Variants in RASGRF2 observed in about 807,000 individuals in gnomAD.
RASGRF2 encodes ras-specific guanine nucleotide-releasing factor 2.
Under a neutral mutation model 151.0 loss-of-function variants are expected in RASGRF2, and 76 were observed. The ratio of observed to expected loss-of-function variants is 0.50; its 90% CI spans 0.42 to 0.61. RASGRF2 has a LOEUF of 0.61. Ranked by LOEUF, RASGRF2 falls within the 20% of genes least tolerant of loss-of-function variation. RASGRF2 has a pLI of 0.00. For synonymous variants in RASGRF2, 504 were observed against 566.5 expected, an observed-to-expected ratio of 0.89 and a Z score of 1.57; for missense variants, 1,148 against 1,564.6, an observed-to-expected ratio of 0.73 and a Z score of 4.49.
chr5:81,091,371 C>T (rs1009409115), intron 9 of RASGRF2, among the ~76,000 whole-genome samples: 1 of 152,202 alleles, frequency 6.6e-6, no homozygotes. Flanking sequence ...CATTCACTCT[C>T]CTCTTGCCCA....
chr5:81,019,408 A>G (rs549628173), intron 1 of RASGRF2: 1 of 152,294 alleles, frequency 6.6e-6, no homozygotes, highest in Admixed American at 6.5e-5. Flanking sequence ...GTGTCCTTTG[A>G]AAGGCAGCCA....
At chr5:81,157,800 T>C (rs1408644894) in intron 17 of RASGRF2, among the ~76,000 whole-genome samples, 1 of 152,168 alleles carries the variant, frequency 6.6e-6, no homozygotes, top group African/African-American at 2.4e-5. Flanking sequence ...TCACTCACTA[T>C]CACGAGAAGA....
At chr5:81,138,069 G>T (rs922703567) in intron 17 of RASGRF2, among the ~76,000 whole-genome samples, 1 of 64,780 alleles carries the variant, frequency 1.5e-5, no homozygotes, top group Non-Finnish European at 3.1e-5. Context: ...CACAACTTGG[G>T]GCTCCCTAAG....
intron 7 of RASGRF2, among the ~76,000 whole-genome samples, chr5:81,081,686 C>CT (rs897601796): frequency 5.3e-4 from 81 of 152,326 alleles, no homozygotes; most frequent in African/African-American, 1.9e-3. Context: ...GCAGGCATCT[C>CT]TGACCCTGGC....
chr5:81,143,836 G>A (rs952318649), intron 17 of RASGRF2, among the ~76,000 whole-genome samples: 1 of 151,014 alleles, frequency 6.6e-6, no homozygotes, highest in Non-Finnish European at 1.5e-5. Context: ...GTTGCAATGA[G>A]CTGAGATAGT....
chr5:80,968,895 G>T (rs971782038), intron 1 of RASGRF2, among the ~76,000 whole-genome samples: 1 of 151,818 alleles, frequency 6.6e-6, no homozygotes, highest in African/African-American at 2.4e-5. Context: ...TGTTGCCCAG[G>T]CTCGTCTTGA....
chr5:81,069,625 C>T (rs773554318), intron 3 of RASGRF2, among the ~76,000 whole-genome samples: 1 of 152,226 alleles, frequency 6.6e-6, no homozygotes, highest in Non-Finnish European at 1.5e-5. Context: ...CTTCTCTGGT[C>T]TCTTGACAGG....
intron 19 of RASGRF2, among the ~76,000 whole-genome samples, chr5:81,206,068 G>A: frequency 6.6e-6 from 1 of 152,122 alleles, no homozygotes; most frequent in East Asian, 1.9e-4. Context: ...TGGCTCCAAT[G>A]GCAAATTATG....
At chr5:80,977,354 A>G (rs1036215793) in intron 1 of RASGRF2, among the ~76,000 whole-genome samples, 2 of 152,242 alleles carry the variant, frequency 1.3e-5, no homozygotes, top group South Asian at 4.1e-4. Context: ...GAAAATAGGC[A>G]TGATAATTTC....
intron 17 of RASGRF2, among the ~76,000 whole-genome samples, chr5:81,132,467 G>A (rs1185443159): frequency 6.6e-6 from 1 of 152,176 alleles, no homozygotes; most frequent in African/African-American, 2.4e-5. Flanking sequence ...AGCAGGTTTT[G>A]AGTGTCTTTT....
At chr5:81,125,088 T>C (rs1753416758) in intron 16 of RASGRF2, among the ~76,000 whole-genome samples, 2 of 152,190 alleles carry the variant, frequency 1.3e-5, no homozygotes, top group African/African-American at 4.8e-5. Flanking sequence ...GTTTTCACTT[T>C]GTCGGCAAGG....
intron 12 of RASGRF2, among the ~76,000 whole-genome samples, chr5:81,102,162 C>G (rs1275639352): frequency 5.3e-5 from 8 of 152,180 alleles, no homozygotes; most frequent in African/African-American, 1.7e-4. Flanking sequence ...TAAAGACTTA[C>G]AGACTTGGGA....
At chr5:81,008,140 T>TTTTCC (rs1749335256) in intron 1 of RASGRF2, among the ~76,000 whole-genome samples, 1 of 24,378 alleles carries the variant, frequency 4.1e-5, no homozygotes, top group Non-Finnish European at 8.7e-5. Context: ...CTTTCTTTCC[T>TTTTCC]TTTTTTTTTT....
intron 17 of RASGRF2, among the ~76,000 whole-genome samples, chr5:81,173,572 G>A (rs1754706734): frequency 2.6e-5 from 4 of 152,138 alleles, no homozygotes; most frequent in South Asian, 4.1e-4. Context: ...CATGATGTAT[G>A]TATGGAAAAT....
At position 81,016,168 on chromosome 5, in the gene RASGRF2, A is replaced by G. The variant is rs548223176; in HGVS notation, c.289-26709A>G. Reference sequence around the variant, plus strand: ...AGATCAAATGTTATCTTCCACGTCAATCCCTAGCTGGAATGATAATACAAG... The same window carrying G: ...AGATCAAATGTTATCTTCCACGTCAGTCCCTAGCTGGAATGATAATACAAG... On this transcript the variant is annotated intron_variant, in intron 1 of 26. Transcript: ENST00000265080. 9.2e-5 allele frequency among the ~76,000 whole-genome samples: 14 copies of G among 152,362 alleles called. No homozygotes were observed. The South Asian group carries it at 1.7e-3, about 18-fold the overall frequency.
intron 1 of RASGRF2, among the ~76,000 whole-genome samples, chr5:80,993,119 G>A (rs760702974): frequency 1.3e-5 from 2 of 152,108 alleles, no homozygotes; most frequent in Non-Finnish European, 2.9e-5. Context: ...GAGGTTGATG[G>A]CATAATGTCT....
intron 2 of RASGRF2, among the ~76,000 whole-genome samples, chr5:81,053,510 T>A (rs1202842503): frequency 6.6e-6 from 1 of 152,160 alleles, no homozygotes; most frequent in Non-Finnish European, 1.5e-5. Context: ...CATATTTTCT[T>A]AATCCAGTCT....
At chr5:81,082,197 G>A (rs558420629) in intron 7 of RASGRF2, among the ~76,000 whole-genome samples, 16 of 152,238 alleles carry the variant, frequency 1.1e-4, no homozygotes, top group East Asian at 5.8e-4. Context: ...GTCTTTCTTC[G>A]TGCTATTTAA....
intron 12 of RASGRF2, among the ~76,000 whole-genome samples, chr5:81,097,646 A>G (rs1286201593): frequency 6.6e-6 from 1 of 152,166 alleles, no homozygotes. Flanking sequence ...GTAGTAGGTG[A>G]TGGAGATACC....
Sources: gnomAD v4.1 joint callset for allele counts (sites outside exome capture counted in the v4.1 genomes callset) on GRCh38, gnomAD v4.1.1 for gene constraint, MANE v1.5 for transcripts, NCBI Gene and HGNC (gene_info 2026-07-23, HGNC 2026-07-21) for gene names.